NTRK2: variants seen among roughly 807,000 people sequenced by gnomAD.
NTRK2 encodes the protein BDNF/NT-3 growth factors receptor.
NTRK2 carries 13 observed loss-of-function variants against 94.5 expected under a neutral mutation model. The observed-to-expected ratio is 0.14, with a 90% CI of 0.09 to 0.22. The LOEUF is 0.22. Among genes scored for constraint, NTRK2 ranks in the 10% least tolerant of loss-of-function variants. NTRK2 has a pLI of 1.00. For synonymous variants in NTRK2, 372 were observed against 407.4 expected (o/e 0.91, Z 1.05); for missense variants, 639 against 1,071.2 (o/e 0.60, Z 5.63).
chr9:84,773,429 T>A (rs1398397391), intron 12 of NTRK2, among the ~76,000 whole-genome samples: 1 of 152,196 alleles, frequency 6.6e-6, no homozygotes. Context: ...GGAGTCCTTC[T>A]TTAAGGAAGT....
intron 16 of NTRK2, among the ~76,000 whole-genome samples, chr9:84,952,348 C>T (rs757644533): frequency 5.3e-5 from 8 of 152,144 alleles, no homozygotes; most frequent in East Asian, 3.9e-4. Context: ...GGTGCAGTGC[C>T]GGCTGTAACC....
At chr9:84,962,491 T>C (rs1825063370) in intron 17 of NTRK2, among the ~76,000 whole-genome samples, 1 of 152,182 alleles carries the variant, frequency 6.6e-6, no homozygotes, top group Non-Finnish European at 1.5e-5. Context: ...GTGTCCCCTT[T>C]TTTTTTGGTC....
chr9:84,995,299 C>T (rs28709773), intron 17 of NTRK2, among the ~76,000 whole-genome samples: 3 of 150,862 alleles, frequency 2.0e-5, no homozygotes, highest in South Asian at 2.1e-4. Context: ...TTTTTTTTTT[C>T]CCCCAGAACA....
chr9:84,948,451 C>A lies in NTRK2; in HGVS notation c.1765-11C>A, dbSNP rs1314318750. 1.9e-6 allele frequency: 3 copies of A among 1,613,812 alleles called. No individual in the cohort carries two copies. Among genetic ancestry groups the A allele is most frequent in the Non-Finnish European group, 2.5e-6 (3 of 1,179,876 alleles). The stretch of plus-strand genomic sequence containing the variant: ...CTGAAGTAATCCTTCTCTTTTAACA[C>A]CCATCCCCAGACCCTGAAGGATGCC... On this transcript the variant is annotated splice_polypyrimidine_tract_variant and intron_variant, in intron 15 of 18. Coordinates refer to ENST00000277120, the MANE Select transcript of NTRK2 (RefSeq NM_006180.6).
rs202147440 is a variant in NTRK2 at position 84,782,062 on chromosome 9, A to ACACT, written c.1396+29980_1396+29981insTCAC. 7.7e-3 allele frequency among the ~76,000 whole-genome samples: 1,168 copies of ACACT among 151,032 alleles called. 17 individuals carry two copies. The highest frequency in any genetic ancestry group is 0.04 in the East Asian group (203 of 5,104). ...AACACACACACACACACACACACAC[A>ACACT]CACACAAACACACACACCCACAAAC... On this transcript the variant is annotated intron_variant, in intron 12 of 18. Coordinates refer to ENST00000277120, the MANE Select transcript of NTRK2 (RefSeq NM_006180.6).
chr9:84,876,516 C>G, intron 14 of NTRK2: 1 of 1,055,904 alleles, frequency 9.5e-7, no homozygotes, highest in Non-Finnish European at 1.1e-6. Flanking sequence ...CTGCTTTACC[C>G]AGGATCAGAA....
At chr9:84,853,395 A>G (rs1202485184) in intron 12 of NTRK2, among the ~76,000 whole-genome samples, 2 of 152,072 alleles carry the variant, frequency 1.3e-5, no homozygotes, top group Admixed American at 1.3e-4. Context: ...TTTATTCCAC[A>G]CTACTGCCTG....
At chr9:84,873,346 C>A (rs2075941351) in intron 14 of NTRK2, 1 of 1,058,388 alleles carries the variant, frequency 9.4e-7, no homozygotes. Flanking sequence ...CTGCCCAGCA[C>A]GAGCATTAGG....
intron 17 of NTRK2, among the ~76,000 whole-genome samples, chr9:84,976,771 C>A (rs898546764): frequency 2.6e-5 from 4 of 152,078 alleles, no homozygotes. Context: ...TGTTAGCAAT[C>A]AGCAGGGTTT....
Position 84,670,966 on chromosome 9 carries a change from T to C in NTRK2, c.212+6T>C. The stretch of plus-strand genomic sequence containing the variant: ...CCTGAGAACATCACCGAAATGTGAG[T>C]TCCTGGAGCTTTTCCTCCTTTTTCT... On this transcript the variant is annotated splice_donor_region_variant and intron_variant, in intron 2 of 18. Transcript: ENST00000277120. 2 of 1,559,576 alleles carry C rather than the reference T, an allele frequency of 1.3e-6. No individual in the cohort carries two copies. Among genetic ancestry groups the C allele is most frequent in the Non-Finnish European group, 8.6e-7 (1 of 1,160,802 alleles).
At chr9:84,804,718 C>T (rs1255327774) in intron 12 of NTRK2, among the ~76,000 whole-genome samples, 2 of 152,182 alleles carry the variant, frequency 1.3e-5, no homozygotes, top group African/African-American at 4.8e-5. Context: ...ACATATATTG[C>T]TTATCTGTAC....
intron 12 of NTRK2, chr9:84,814,235 T>G (rs201211911): frequency 1.9e-6 from 2 of 1,065,200 alleles, no homozygotes; most frequent in Non-Finnish European, 2.3e-6. Context: ...CAAGTAACCC[T>G]GAATTAGGCC....
chr9:84,940,102 C>A (rs768241240), intron 15 of NTRK2, among the ~76,000 whole-genome samples: 4 of 152,178 alleles, frequency 2.6e-5, no homozygotes, highest in African/African-American at 4.8e-5. Context: ...GGGTCACATA[C>A]TGACCCTTGG....
chr9:84,744,384 G>A (rs550422376), intron 10 of NTRK2, among the ~76,000 whole-genome samples: 9 of 152,206 alleles, frequency 5.9e-5, no homozygotes, highest in East Asian at 3.9e-4. Flanking sequence ...AAAAGTTTAC[G>A]TGTGGACCCA....
chr9:84,871,957 A>G, intron 14 of NTRK2: 1 of 1,589,262 alleles, frequency 6.3e-7, no homozygotes, highest in South Asian at 1.1e-5. Context: ...CTTAGCTTCC[A>G]TAACCTAGCC....
intron 14 of NTRK2, chr9:84,876,077 TG>T (rs1256962295): frequency 1.9e-6 from 2 of 1,032,302 alleles, no homozygotes; most frequent in African/African-American, 1.7e-5. Context: ...TTTCTTATGC[TG>T]TTACTATTAA....
At chr9:84,815,363 A>G (rs1360919816) in intron 12 of NTRK2, 2 of 1,046,306 alleles carry the variant, frequency 1.9e-6, no homozygotes, top group Non-Finnish European at 2.3e-6. Flanking sequence ...ATTTTTTATC[A>G]CCTTTATTGT....
intron 14 of NTRK2, among the ~76,000 whole-genome samples, chr9:84,915,042 T>C (rs966800606): frequency 2.6e-5 from 4 of 152,028 alleles, no homozygotes; most frequent in African/African-American, 7.2e-5. Flanking sequence ...TCATAAGGAG[T>C]GCACAATCTA....
intron 12 of NTRK2, chr9:84,812,503 C>T: frequency 5.7e-6 from 6 of 1,047,810 alleles, no homozygotes; most frequent in Non-Finnish European, 6.9e-6. Context: ...GGCTAAATGA[C>T]AGTTTCTGTC....
Sources: allele counts gnomAD v4.1 joint callset (sites outside exome capture counted in the v4.1 genomes callset), GRCh38; gene constraint gnomAD v4.1.1; transcripts MANE v1.5; gene names NCBI Gene and HGNC (gene_info 2026-07-23, HGNC 2026-07-21).